TEX11: variants seen among roughly 807,000 people sequenced by gnomAD.
TEX11 encodes the protein testis-expressed protein 11.
TEX11 carries 7 observed loss-of-function variants against 84.4 expected under a neutral mutation model. The ratio of observed to expected loss-of-function variants is 0.08; its 90% confidence interval spans 0.05 to 0.16. The LOEUF (loss-of-function observed/expected upper bound fraction) is 0.16, where lower values mean the gene tolerates loss of function less well. Among genes scored for constraint, TEX11 ranks in the 10% least tolerant of loss-of-function variants. The pLI, the probability that TEX11 is intolerant of heterozygous loss-of-function variation, is 1.00. For missense variants in TEX11, 551 were observed against 660.5 expected, an observed-to-expected ratio of 0.83 and a Z score of 1.82; for synonymous variants, 264 against 222.8, an observed-to-expected ratio of 1.18 and a Z score of -1.64.
intron 25 of TEX11, among the ~76,000 whole-genome samples, chrX:70,585,740 C>T (rs1211199356): frequency 8.9e-6 from 1 of 112,185 alleles, no homozygotes; most frequent in Non-Finnish European, 1.9e-5. Flanking sequence ...GGTGTCAAGA[C>T]CATTATATGG....
intron 13 of TEX11, among the ~76,000 whole-genome samples, chrX:70,712,169 A>G (rs1363252877): frequency 9.0e-6 from 1 of 111,522 alleles, no homozygotes; most frequent in African/African-American, 3.3e-5. Context: ...TGGTACCAGT[A>G]CTATGCTGTT....
chrX:70,565,668 C>T (rs1314321995), intron 25 of TEX11, among the ~76,000 whole-genome samples: 1 of 109,821 alleles, frequency 9.1e-6, no homozygotes, highest in African/African-American at 3.3e-5. Flanking sequence ...GGAATCCTTT[C>T]CCCATTGCTT....
At chrX:70,868,422 T>C (rs1034495887) in intron 4 of TEX11, among the ~76,000 whole-genome samples, 1 of 111,465 alleles carries the variant, frequency 9.0e-6, no homozygotes, top group Admixed American at 9.6e-5. Context: ...TTTTACACTG[T>C]TGGTGGGAGT....
At chrX:70,821,738 C>A (rs1213324543) in intron 8 of TEX11, among the ~76,000 whole-genome samples, 1 of 112,024 alleles carries the variant, frequency 8.9e-6, no homozygotes, top group African/African-American at 3.2e-5. Flanking sequence ...CACCTCACAC[C>A]TGTTTGTATG....
At chrX:70,853,475 G>C in intron 5 of TEX11, 147 bp from the exon 6 acceptor site, 3 of 450,544 alleles carry the variant, frequency 6.7e-6, no homozygotes, top group Non-Finnish European at 1.1e-5. Flanking sequence ...GCATTTGTTA[G>C]AGTTCTGTGT....
intron 20 of TEX11, among the ~76,000 whole-genome samples, chrX:70,617,989 G>C (rs886880632): frequency 8.9e-6 from 1 of 112,100 alleles, no homozygotes; most frequent in South Asian, 3.8e-4. Flanking sequence ...TTTATGCATG[G>C]CAGTTCCAAG....
chrX:70,515,009 A>G, the TEX11 span, among the ~76,000 whole-genome samples: 1 of 110,150 alleles, frequency 9.1e-6, no homozygotes, highest in Non-Finnish European at 1.9e-5. Flanking sequence ...CAGAGGTTGC[A>G]GTGAGCTGAG....
intron 9 of TEX11, among the ~76,000 whole-genome samples, chrX:70,783,583 A>G (rs1000658797): frequency 3.6e-5 from 4 of 111,941 alleles, no homozygotes; most frequent in Non-Finnish European, 7.5e-5. Flanking sequence ...CGCTAGCAAG[A>G]CTAACAAAGA....
chrX:70,709,129 A>G (rs2090403806), intron 13 of TEX11, among the ~76,000 whole-genome samples: 1 of 111,269 alleles, frequency 9.0e-6, no homozygotes, highest in Non-Finnish European at 1.9e-5. Context: ...AATGTTCATT[A>G]CAACAAAAAA....
intron 8 of TEX11, among the ~76,000 whole-genome samples, chrX:70,829,250 G>A (rs1162994412): frequency 1.8e-5 from 2 of 111,639 alleles, no homozygotes; most frequent in Non-Finnish European, 3.8e-5. Flanking sequence ...GGGAGGCCGA[G>A]GCAGGTGGAT....
intron 13 of TEX11, among the ~76,000 whole-genome samples, chrX:70,685,118 C>A: frequency 8.9e-6 from 1 of 112,281 alleles, no homozygotes; most frequent in East Asian, 2.8e-4. Context: ...AATCCCAGCA[C>A]TTCAGAAGGC....
intron 16 of TEX11, among the ~76,000 whole-genome samples, chrX:70,657,784 A>G (rs1457959054): frequency 5.6e-5 from 6 of 107,803 alleles, no homozygotes; most frequent in Non-Finnish European, 1.2e-4. Flanking sequence ...AGGTACATGG[A>G]TGAAATTGGA....
chrX:70,815,177 T>C (rs1464860795), intron 8 of TEX11, among the ~76,000 whole-genome samples: 1 of 112,285 alleles, frequency 8.9e-6, no homozygotes, highest in Non-Finnish European at 1.9e-5. Context: ...GAGCATTGTC[T>C]TGAGTAATTA....
chrX:70,700,245 AGTTAGAACT>A (rs1480311214), intron 13 of TEX11, among the ~76,000 whole-genome samples: 1 of 110,847 alleles, frequency 9.0e-6, no homozygotes, highest in Non-Finnish European at 1.9e-5. Context: ...CCTCCCGAGT[AGTTAGAACT>A]ATAAGCACGT....
chrX:70,542,353 C>T (rs764367635), intron 28 of TEX11, among the ~76,000 whole-genome samples: 1 of 111,220 alleles, frequency 9.0e-6, no homozygotes, highest in East Asian at 2.8e-4. Context: ...ACTTTCTATC[C>T]TCCCAAACTG....
chrX:70,840,820 G>A (rs973231112), intron 7 of TEX11, among the ~76,000 whole-genome samples: 1 of 111,141 alleles, frequency 9.0e-6, no homozygotes, highest in Non-Finnish European at 1.9e-5. Context: ...CAAAGGCAGG[G>A]GTTGCAATCC....
chrX:70,643,779 A>G (rs2089698613), intron 17 of TEX11, among the ~76,000 whole-genome samples: 1 of 106,756 alleles, frequency 9.4e-6, no homozygotes, highest in African/African-American at 3.4e-5. Context: ...TTCACGATGG[A>G]TTAAAGACTT....
At chrX:70,644,752 T>G (rs1190977408) in intron 17 of TEX11, among the ~76,000 whole-genome samples, 2 of 72,931 alleles carry the variant, frequency 2.7e-5, no homozygotes, top group Non-Finnish European at 4.9e-5. Context: ...AAGGGGAACA[T>G]CACACTCTGG....
At chrX:70,639,064 C>T (rs997924355) in intron 17 of TEX11, among the ~76,000 whole-genome samples, 12 of 110,633 alleles carry the variant, frequency 1.1e-4, no homozygotes, top group African/African-American at 3.6e-4. Context: ...GCCCACCGTG[C>T]GCTAGCCGAA....
Sources: allele counts gnomAD v4.1 joint callset (sites outside exome capture counted in the v4.1 genomes callset), GRCh38; gene constraint gnomAD v4.1.1; transcripts MANE v1.5; gene names NCBI Gene and HGNC (gene_info 2026-07-23, HGNC 2026-07-21).